The following CADM2 variants were observed in gnomAD, a reference collection of about 807,000 sequenced individuals.
The protein encoded by CADM2 is cell adhesion molecule 2.
Under a neutral mutation model 49.8 loss-of-function variants are expected in CADM2, and 12 were observed. The observed-to-expected ratio is 0.24, with a 90% confidence interval of 0.15 to 0.39. The LOEUF (loss-of-function observed/expected upper bound fraction) is 0.39. CADM2 is among the 10% of genes least tolerant of loss of function. CADM2 has a pLI of 1.00. For missense variants in CADM2, 378 were observed against 492.3 expected, an observed-to-expected ratio of 0.77 and a Z score of 2.20; for synonymous variants, 214 against 175.4, an observed-to-expected ratio of 1.22 and a Z score of -1.74.
intron 2 of CADM2, among the ~76,000 whole-genome samples, chr3:85,735,159 T>A (rs2068085153): frequency 6.6e-6 from 1 of 152,094 alleles, no homozygotes; most frequent in African/African-American, 2.4e-5. Context: ...CAATGTAGTA[T>A]CCATTATGAA....
At chr3:86,058,348 TA>T (rs1279857337) in intron 8 of CADM2, among the ~76,000 whole-genome samples, 1 of 152,118 alleles carries the variant, frequency 6.6e-6, no homozygotes, top group Non-Finnish European at 1.5e-5. Flanking sequence ...TTTTTCCTCA[TA>T]AAACTAACAT....
intron 8 of CADM2, among the ~76,000 whole-genome samples, chr3:85,983,969 C>G (rs190840927): frequency 1.3e-5 from 2 of 150,256 alleles, no homozygotes; most frequent in Non-Finnish European, 1.5e-5. Flanking sequence ...GCCTAACCAA[C>G]CTTAAAATTC....
At chr3:85,528,147 C>T (rs1051762730) in intron 1 of CADM2, among the ~76,000 whole-genome samples, 12 of 152,152 alleles carry the variant, frequency 7.9e-5, no homozygotes, top group Non-Finnish European at 1.8e-4. Flanking sequence ...TCTCTTGCTG[C>T]TTCTTCATAT....
intron 1 of CADM2, among the ~76,000 whole-genome samples, chr3:85,631,601 GTTAA>G (rs1179051483): frequency 6.6e-6 from 1 of 152,030 alleles, no homozygotes; most frequent in East Asian, 1.9e-4. Flanking sequence ...TAACAAGACA[GTTAA>G]TTTCTCCCAC....
At chr3:85,862,287 G>T (rs1035826415) in intron 3 of CADM2, among the ~76,000 whole-genome samples, 1 of 151,908 alleles carries the variant, frequency 6.6e-6, no homozygotes, top group African/African-American at 2.4e-5. Context: ...TTATTTCTGA[G>T]TGCTTATCAA....
intron 1 of CADM2, among the ~76,000 whole-genome samples, chr3:85,448,777 G>C (rs778986853): frequency 6.6e-6 from 1 of 151,998 alleles, no homozygotes; most frequent in Non-Finnish European, 1.5e-5. Flanking sequence ...TCGGCCGGGC[G>C]TGGTGGCTCA....
intron 1 of CADM2, among the ~76,000 whole-genome samples, chr3:85,546,780 T>C (rs944246174): frequency 1.3e-5 from 2 of 151,718 alleles, no homozygotes; most frequent in African/African-American, 4.8e-5. Flanking sequence ...AAAAAGTGAG[T>C]CAAATAAGGC....
chr3:85,646,275 A>T (rs776355760), intron 1 of CADM2, among the ~76,000 whole-genome samples: 20 of 151,994 alleles, frequency 1.3e-4, no homozygotes, highest in Admixed American at 3.3e-4. Flanking sequence ...ATCTAGTTAA[A>T]TATCAGATAA....
chr3:85,595,958 A>T (rs1475790928), intron 1 of CADM2, among the ~76,000 whole-genome samples: 2 of 151,880 alleles, frequency 1.3e-5, no homozygotes, highest in Non-Finnish European at 2.9e-5. Context: ...CCAACAATGG[A>T]CTTGGTCCCT....
chr3:85,567,022 A>C (rs747197068), intron 1 of CADM2, among the ~76,000 whole-genome samples: 9 of 152,188 alleles, frequency 5.9e-5, no homozygotes, highest in Non-Finnish European at 1.2e-4. Context: ...GATTATATGT[A>C]CACCTTTTTT....
At chr3:85,741,396 G>C (rs756159438) in intron 2 of CADM2, among the ~76,000 whole-genome samples, 1 of 152,016 alleles carries the variant, frequency 6.6e-6, no homozygotes, top group Non-Finnish European at 1.5e-5. Context: ...TCAGCCTGGC[G>C]TGGTGGCTCA....
chr3:85,691,819 T>C (rs1331727754), intron 1 of CADM2, among the ~76,000 whole-genome samples: 1 of 152,210 alleles, frequency 6.6e-6, no homozygotes, highest in Non-Finnish European at 1.5e-5. Flanking sequence ...GTTCATGTCC[T>C]TTGTAGGGAC....
At chr3:85,633,842 A>G (rs147935728) in intron 1 of CADM2, among the ~76,000 whole-genome samples, 3 of 152,198 alleles carry the variant, frequency 2.0e-5, no homozygotes, top group Admixed American at 6.5e-5. Flanking sequence ...TCAATTTTGT[A>G]TAATATAACA....
intron 1 of CADM2, among the ~76,000 whole-genome samples, chr3:85,600,295 G>A (rs1252786642): frequency 1.3e-5 from 2 of 151,892 alleles, no homozygotes; most frequent in East Asian, 3.9e-4. Flanking sequence ...AACTAGCTGA[G>A]GTCCTAAGAG....
At chr3:85,628,648 C>CACACATATGTATATGTGTATATAT (rs1188519709) in intron 1 of CADM2, among the ~76,000 whole-genome samples, 1 of 147,306 alleles carries the variant, frequency 6.8e-6, no homozygotes, top group South Asian at 2.1e-4. Flanking sequence ...CATATATACA[C>CACACATATGTATATGTGTATATAT]ACACATATGT....
chr3:85,198,919 C>T (rs974992025), intron 1 of CADM2, among the ~76,000 whole-genome samples: 4 of 151,838 alleles, frequency 2.6e-5, no homozygotes, highest in Non-Finnish European at 5.9e-5. Context: ...TTGTTCTGGA[C>T]TGCATTGAAA....
At chr3:85,413,152 AAAAAAAAAAAATAATAAT>A (rs1191167400) in intron 1 of CADM2, among the ~76,000 whole-genome samples, 1 of 144,032 alleles carries the variant, frequency 6.9e-6, no homozygotes, top group Non-Finnish European at 1.5e-5. Flanking sequence ...AAAAAAAAAA[AAAAAAAAAAAATAATAAT>A]AATAATAATA....
chr3:85,595,453 A>T (rs1011069843), intron 1 of CADM2, among the ~76,000 whole-genome samples: 1 of 152,022 alleles, frequency 6.6e-6, no homozygotes, highest in Non-Finnish European at 1.5e-5. Flanking sequence ...CAATATTCCA[A>T]CTATCTTTAT....
intron 1 of CADM2, among the ~76,000 whole-genome samples, chr3:85,518,226 A>T (rs2060949554): frequency 6.6e-6 from 1 of 152,122 alleles, no homozygotes; most frequent in South Asian, 2.1e-4. Context: ...CTTGGCTTCT[A>T]GGGATCCTCC....
Sources: gnomAD v4.1 joint callset for allele counts (sites outside exome capture counted in the v4.1 genomes callset) on GRCh38, gnomAD v4.1.1 for gene constraint, MANE v1.5 for transcripts, NCBI Gene and HGNC (gene_info 2026-07-23, HGNC 2026-07-21) for gene names.